The following FCHSD2 variants were observed in gnomAD, a reference collection of about 807,000 sequenced individuals.
FCHSD2 encodes the protein F-BAR and double SH3 domains protein 2.
In FCHSD2, 38 loss-of-function variants were observed where a neutral mutation model predicts 108.1. That is an observed-to-expected ratio of 0.35 (90% CI 0.27 to 0.46). The LOEUF is 0.46. Among genes scored for constraint, FCHSD2 ranks in the 20% least tolerant of loss-of-function variants. The pLI, the probability that FCHSD2 is intolerant of heterozygous loss-of-function variation, is 1.00. For synonymous variants in FCHSD2, 279 were observed against 314.7 expected (o/e 0.89, Z 1.20); for missense variants, 751 against 897.8 (o/e 0.84, Z 2.09).
chr11:73,001,804 C>G (rs959068813), intron 4 of FCHSD2, among the ~76,000 whole-genome samples: 5 of 152,298 alleles, frequency 3.3e-5, no homozygotes, highest in South Asian at 2.1e-4. Flanking sequence ...GCTTTGGATT[C>G]ATTCCAAGCA....
At chr11:73,101,502 T>C (rs1001018997) in intron 2 of FCHSD2, among the ~76,000 whole-genome samples, 7 of 152,068 alleles carry the variant, frequency 4.6e-5, no homozygotes, top group African/African-American at 1.7e-4. Flanking sequence ...TGCAGTGGTA[T>C]GATCATGGCT....
chr11:73,107,150 C>A (rs904269547), intron 2 of FCHSD2, among the ~76,000 whole-genome samples: 19 of 152,134 alleles, frequency 1.2e-4, no homozygotes, highest in African/African-American at 4.6e-4. Flanking sequence ...ATTCTCAAGA[C>A]TCTCCGCAAT....
intron 8 of FCHSD2, among the ~76,000 whole-genome samples, chr11:72,957,651 T>C (rs1447973604): frequency 1.3e-5 from 2 of 151,906 alleles, no homozygotes; most frequent in African/African-American, 2.4e-5. Flanking sequence ...GTTTGGATGG[T>C]AGTATCTGCT....
At chr11:73,040,372 G>A (rs1196786795) in intron 3 of FCHSD2, among the ~76,000 whole-genome samples, 2 of 152,138 alleles carry the variant, frequency 1.3e-5, no homozygotes, top group Admixed American at 1.3e-4. Flanking sequence ...TTCATTAAGG[G>A]CACTATTACA....
At chr11:72,856,952 A>G (rs1421884839) in intron 13 of FCHSD2, among the ~76,000 whole-genome samples, 2 of 152,366 alleles carry the variant, frequency 1.3e-5, no homozygotes, top group East Asian at 3.9e-4. Context: ...TACAAAAATC[A>G]AAACAAAACA....
At chr11:73,083,448 C>G (rs545546372) in intron 3 of FCHSD2, among the ~76,000 whole-genome samples, 13 of 151,996 alleles carry the variant, frequency 8.6e-5, no homozygotes, top group African/African-American at 3.1e-4. Context: ...ACTCAGGAGG[C>G]TGACACAGGA....
At chr11:72,920,196 T>C (rs1365080584) in intron 9 of FCHSD2, among the ~76,000 whole-genome samples, 1 of 152,162 alleles carries the variant, frequency 6.6e-6, no homozygotes, top group Non-Finnish European at 1.5e-5. Context: ...ATCTGGTTCT[T>C]GGCAAAGATT....
chr11:73,101,649 G>A (rs952071487), intron 2 of FCHSD2, among the ~76,000 whole-genome samples: 1 of 151,840 alleles, frequency 6.6e-6, no homozygotes, highest in Non-Finnish European at 1.5e-5. Flanking sequence ...GTTGCCCAGG[G>A]TAGTCTGGAA....
intron 5 of FCHSD2, among the ~76,000 whole-genome samples, chr11:72,994,117 C>T (rs896646600): frequency 3.9e-5 from 6 of 152,102 alleles, no homozygotes; most frequent in Non-Finnish European, 8.8e-5. Context: ...GAGGACCAAA[C>T]AGAATAACTG....
At chr11:72,956,498 T>C (rs1856713337) in intron 8 of FCHSD2, among the ~76,000 whole-genome samples, 1 of 152,338 alleles carries the variant, frequency 6.6e-6, no homozygotes, top group Non-Finnish European at 1.5e-5. Flanking sequence ...AACAGGTTAT[T>C]ATAATCAACT....
At chr11:73,021,689 CAT>C (rs1432527654) in intron 3 of FCHSD2, among the ~76,000 whole-genome samples, 2 of 151,984 alleles carry the variant, frequency 1.3e-5, no homozygotes, top group Non-Finnish European at 2.9e-5. Context: ...CAAACCTGTA[CAT>C]GTTACCCAAA....
intron 12 of FCHSD2, among the ~76,000 whole-genome samples, chr11:72,878,967 G>A (rs1377093192): frequency 6.6e-6 from 1 of 152,000 alleles, no homozygotes; most frequent in Non-Finnish European, 1.5e-5. Flanking sequence ...AAAATTAGCT[G>A]GTTTTGGTGG....
intron 3 of FCHSD2, among the ~76,000 whole-genome samples, chr11:73,069,614 G>A (rs1232376603): frequency 1.3e-5 from 2 of 151,886 alleles, no homozygotes. Context: ...ATAGCACAAA[G>A]AGCAAAGAAT....
chr11:73,033,806 T>C (rs1858423228), intron 3 of FCHSD2, among the ~76,000 whole-genome samples: 1 of 152,230 alleles, frequency 6.6e-6, no homozygotes, highest in Non-Finnish European at 1.5e-5. Context: ...GACACCAAGC[T>C]AACTAGGTTA....
intron 5 of FCHSD2, among the ~76,000 whole-genome samples, chr11:72,992,361 C>A (rs1857433151): frequency 2.0e-5 from 3 of 152,092 alleles, no homozygotes; most frequent in Admixed American, 2.0e-4. Context: ...AGATTCAATG[C>A]CATCCCCATC....
intron 3 of FCHSD2, among the ~76,000 whole-genome samples, chr11:73,019,080 T>A (rs749539444): frequency 6.0e-4 from 91 of 152,252 alleles, no homozygotes; most frequent in Admixed American, 9.8e-4. Flanking sequence ...GAAAAGATCA[T>A]CTGGTATTTT....
intron 4 of FCHSD2, among the ~76,000 whole-genome samples, chr11:73,003,587 C>A (rs1187226593): frequency 1.3e-5 from 2 of 149,478 alleles, no homozygotes; most frequent in Non-Finnish European, 3.0e-5. Flanking sequence ...CCCGGGTTCA[C>A]GCCATTCTCC....
intron 2 of FCHSD2, among the ~76,000 whole-genome samples, chr11:73,108,608 C>T (rs1860403893): frequency 6.6e-6 from 1 of 152,120 alleles, no homozygotes; most frequent in South Asian, 2.1e-4. Context: ...GTCGCCCAGG[C>T]CGGACTGCGG....
chr11:73,016,333 C>T (rs1857974134), intron 3 of FCHSD2, among the ~76,000 whole-genome samples: 2 of 151,144 alleles, frequency 1.3e-5, no homozygotes, highest in Admixed American at 6.6e-5. Context: ...CCCAATTAAC[C>T]AACCAACCAA....
Sources: allele counts gnomAD v4.1 joint callset (sites outside exome capture counted in the v4.1 genomes callset), GRCh38; gene constraint gnomAD v4.1.1; transcripts MANE v1.5; gene names NCBI Gene and HGNC (gene_info 2026-07-23, HGNC 2026-07-21).